Variants in NMRK2 observed in about 807,000 individuals in gnomAD.
The protein encoded by NMRK2 is NRK 2.
Under a neutral mutation model 24.7 loss-of-function variants are expected in NMRK2, and 34 were observed. The ratio of observed to expected loss-of-function variants is 1.37; its 90% CI spans 1.05 to 1.83. The LOEUF is 1.83. Ranked by LOEUF, NMRK2 falls within the 40% of genes most tolerant of loss-of-function variation. The pLI, the probability that NMRK2 is intolerant of heterozygous loss-of-function variation, is 0.00. For missense variants in NMRK2, 341 were observed against 315.0 expected, an observed-to-expected ratio of 1.08 and a Z score of -0.62; for synonymous variants, 145 against 125.6, an observed-to-expected ratio of 1.15 and a Z score of -1.03.
intron 7 of NMRK2, among the ~76,000 whole-genome samples, 192 bp downstream of exon 7, chr19:3,941,369 C>T (rs537402774): frequency 4.9e-4 from 74 of 151,862 alleles, no homozygotes; most frequent in African/African-American, 1.6e-3. Context: ...CCTGCCTCAG[C>T]CTCCCAAGTA....
At chr19:3,938,849 G>GTTTTTT (rs59201914) in intron 5 of NMRK2, 90 bp downstream of exon 5, 5 of 228,094 alleles carry the variant, frequency 2.2e-5, no homozygotes, top group African/African-American at 3.9e-5. Flanking sequence ...TTTTTGTTTT[G>GTTTTTT]TTTTTTTTTT....
chr19:3,938,851 T>C, intron 5 of NMRK2, 92 bp downstream of exon 5: 1 of 523,120 alleles, frequency 1.9e-6, no homozygotes, highest in Non-Finnish European at 2.4e-6. Context: ...TTTGTTTTGT[T>C]TTTTTTTTTT....
At chr19:3,940,333 C>CT (rs1182715665) in intron 6 of NMRK2, among the ~76,000 whole-genome samples, 2 of 83,664 alleles carry the variant, frequency 2.4e-5, no homozygotes, top group African/African-American at 1.2e-4. Context: ...GAGACTCTGT[C>CT]TCAAAAAAAA....
Position 3,934,589 on chromosome 19 carries a change from G to A in NMRK2, c.26+892G>A, listed in dbSNP as rs543863611. Among the ~76,000 whole-genome samples the A allele has an allele frequency of 6.0e-5, 9 of 149,206 alleles. No homozygotes were observed. The East Asian group carries it at 7.9e-4, about 13-fold the overall frequency. On this transcript the variant is annotated intron_variant, in intron 2 of 7. Transcript: ENST00000168977. ...TTGGGGGGGGGGTGTTGTTGTTGCC[G>A]TCGTAGTTTGAGACAGAGTCTTGCT...
chr19:3,939,154 C>T (rs1403106617), intron 5 of NMRK2, among the ~76,000 whole-genome samples: 6 of 147,752 alleles, frequency 4.1e-5, no homozygotes, highest in Non-Finnish European at 4.5e-5. Context: ...TGGCTCACAT[C>T]TCCATTTTAA....
intron 2 of NMRK2, among the ~76,000 whole-genome samples, chr19:3,935,856 C>T (rs2145290576): frequency 6.6e-6 from 1 of 151,234 alleles, no homozygotes; most frequent in African/African-American, 2.4e-5. Flanking sequence ...CAGGCATGAG[C>T]CACCGTGCAT....
At position 3,939,985 on chromosome 19, in the gene NMRK2, C is replaced by G. The variant is rs776281746; in HGVS notation, c.395+14C>G. On this transcript the variant is annotated intron_variant, in intron 6 of 7. Transcript: ENST00000168977. ...GTGGAGGAGAAGGTGCACTTGGTGTCTGGGGGTGCGGTGGGCTCCTGAGGG... is the reference window on the plus strand; with the variant it reads ...GTGGAGGAGAAGGTGCACTTGGTGTGTGGGGGTGCGGTGGGCTCCTGAGGG... The G allele has an allele frequency of 1.6e-5, 25 of 1,611,150 alleles. No homozygotes were observed. The Middle Eastern group carries it at 4.9e-4, about 32-fold the overall frequency.
intron 7 of NMRK2, among the ~76,000 whole-genome samples, chr19:3,941,705 C>T (rs566665894): frequency 2.0e-5 from 3 of 151,822 alleles, no homozygotes; most frequent in Non-Finnish European, 2.9e-5. Context: ...TGCAGTGGCG[C>T]GATCTTGGCT....
chr19:3,939,095 C>T (rs368075596), intron 5 of NMRK2, among the ~76,000 whole-genome samples: 10 of 151,776 alleles, frequency 6.6e-5, no homozygotes, highest in South Asian at 2.1e-4. Flanking sequence ...GCCATCCGCC[C>T]GCCTCGGACT....
Position 3,939,944 on chromosome 19 carries a change from C to T in NMRK2, c.368C>T (p.Pro123Leu), listed in dbSNP as rs533521180. 5.5e-5 allele frequency: 88 copies of T among 1,613,688 alleles called. 1 individual carries two copies. In the South Asian group the frequency reaches 7.2e-4, roughly 13 times the overall value. Residue 123 changes from proline (P) to leucine (L), a missense_variant, in exon 6 of 8, where the codon CCG becomes CTG. Pro to Leu is a moderately conservative substitution (Grantham distance 98). Coordinates refer to ENST00000168977, the MANE Select transcript of NMRK2 (RefSeq NM_170678.3). Reference protein sequence around the residue: ...LYSRRYFLTVPYEECKWRRST... With the variant: ...LYSRRYFLTVLYEECKWRRST... ...AGCCGCCGGTACTTCCTGACCGTCC[C>T]GTATGAAGAGTGCAAGTGGAGGAGA... is the stretch of plus-strand genomic sequence containing the variant.
chr19:3,940,145 G>A (rs745773493), intron 6 of NMRK2, among the ~76,000 whole-genome samples, 174 bp downstream of exon 6: 10 of 151,790 alleles, frequency 6.6e-5, no homozygotes, highest in Non-Finnish European at 1.3e-4. Context: ...TCAGGAGTTC[G>A]AGACCAGCCT....
At chr19:3,933,325 G>A in intron 1 of NMRK2, 133 bp from the exon 2 acceptor site, 4 of 341,676 alleles carry the variant, frequency 1.2e-5, no homozygotes, top group Non-Finnish European at 2.1e-5. Flanking sequence ...GAGGGTGGGG[G>A]TGGAGAGGAG....
chr19:3,939,141 G>A (rs1346997654), intron 5 of NMRK2, among the ~76,000 whole-genome samples: 2 of 142,566 alleles, frequency 1.4e-5, no homozygotes, highest in African/African-American at 5.0e-5. Context: ...GAGCCACCAC[G>A]CCTGGCTCAC....
chr19:3,938,838 T>G (rs28375587), intron 5 of NMRK2, 79 bp downstream of exon 5: 12,200 of 556,770 alleles, frequency 0.022, 271 homozygotes, highest in African/African-American at 0.13. Context: ...TTTTTTTTTT[T>G]TTTTTGTTTT....
rs1001476842 is a variant in NMRK2, at chr19:3,937,284, G to A, written c.162G>A (p.Trp54Ter). 18 of 1,612,998 alleles carry A rather than the reference G, an allele frequency of 1.1e-5. No individual in the cohort carries two copies. The Admixed American group carries it at 1.8e-4, about 16-fold the overall frequency. Reference sequence around the variant, plus strand: ...TTGGGGAAGACGGCTTCAAACAGTGGGACGGTAAGGACAAGCATCACCTCC... The same window carrying A: ...TTGGGGAAGACGGCTTCAAACAGTGAGACGGTAAGGACAAGCATCACCTCC... ...IAVGEDGFKQ[W>*]DVLESLDMEA... The change falls in exon 4 of 8, where the codon TGG (tryptophan) becomes TGA (stop). Residue 54 changes from tryptophan (W) to a stop codon, truncating the protein, a stop_gained. Transcript: ENST00000168977. LOFTEE classifies it high-confidence loss of function.
chr19:3,934,838 C>T (rs1026212159), intron 2 of NMRK2, among the ~76,000 whole-genome samples: 18 of 152,112 alleles, frequency 1.2e-4, no homozygotes, highest in African/African-American at 4.3e-4. Context: ...CTGTCTCAGC[C>T]TCCCAAAGTG....
At chr19:3,938,346 C>T (rs1475585283) in intron 4 of NMRK2, among the ~76,000 whole-genome samples, 1 of 135,488 alleles carries the variant, frequency 7.4e-6, no homozygotes, top group Non-Finnish European at 1.5e-5. Flanking sequence ...GGGGTCCACC[C>T]TCCTGCAATA....
intron 6 of NMRK2, 122 bp from the exon 7 acceptor site, chr19:3,940,949 G>A (rs1356423868): frequency 1.7e-5 from 11 of 630,044 alleles, no homozygotes; most frequent in East Asian, 8.5e-5. Flanking sequence ...GCTTCTGACC[G>A]AGGGTCCCCT....
At position 3,933,561 on chromosome 19, in the gene NMRK2, A is replaced by G; in HGVS notation, c.-111A>G. On this transcript the variant is annotated 5_prime_UTR_variant, in exon 2 of 8. The change creates a new upstream start codon in the 5' untranslated region. Transcript: ENST00000168977. Reference sequence around the variant, plus strand: ...CGGCCTCCAGGCTGCCGAGACCTATAAAGGCGCCAGGTTTTCTCAATGAAG... The same window carrying G: ...CGGCCTCCAGGCTGCCGAGACCTATGAAGGCGCCAGGTTTTCTCAATGAAG... The G allele has an allele frequency of 7.7e-7, 1 of 1,298,924 alleles. No individual in the cohort carries two copies. The highest frequency in any genetic ancestry group is 1.0e-6 in the Non-Finnish European group (1 of 956,996). The allele number at this position is 1,298,924 out of a possible 1,614,324, so 80.5% of individuals were successfully genotyped here.
Sources: allele counts gnomAD v4.1 joint callset (sites outside exome capture counted in the v4.1 genomes callset), GRCh38; gene constraint gnomAD v4.1.1; transcripts MANE v1.5; gene names NCBI Gene and HGNC (gene_info 2026-07-23, HGNC 2026-07-21).